The following LAMC2 variants were observed in gnomAD, a reference collection of about 807,000 sequenced individuals.
The protein encoded by LAMC2 is laminin subunit gamma 2.
In LAMC2, 97 loss-of-function variants were observed where a neutral mutation model predicts 140.2. The observed-to-expected ratio is 0.69, with a 90% confidence interval of 0.59 to 0.82. LAMC2 has a LOEUF of 0.82. LAMC2 is among the 40% of genes least tolerant of loss of function. The pLI, the probability that LAMC2 is intolerant of heterozygous loss-of-function variation, is 0.00. For missense variants in LAMC2, 1,402 were observed against 1,476.1 expected (o/e 0.95, Z 0.82); for synonymous variants, 513 against 540.2 (o/e 0.95, Z 0.70).
At chr1:183,211,998 G>A (rs1469580363) in intron 2 of LAMC2, among the ~76,000 whole-genome samples, 1 of 151,698 alleles carries the variant, frequency 6.6e-6, no homozygotes, top group African/African-American at 2.4e-5. Flanking sequence ...ATTGGGGCAG[G>A]TTGTTTTTTT....
At chr1:183,193,061 A>T (rs1239748652) in intron 1 of LAMC2, among the ~76,000 whole-genome samples, 2 of 152,248 alleles carry the variant, frequency 1.3e-5, no homozygotes, top group East Asian at 3.8e-4. Flanking sequence ...TACTGTTGAC[A>T]TACCACCTGT....
chr1:183,211,271 G>A (rs767744010), intron 2 of LAMC2, among the ~76,000 whole-genome samples: 6 of 152,108 alleles, frequency 3.9e-5, no homozygotes, highest in Non-Finnish European at 5.9e-5. Flanking sequence ...AATTCACTGC[G>A]TGTGCAAGTT....
At chr1:183,249,252 T>A (rs1571548273), downstream of LAMC2, 1 of 152,162 alleles carries the variant, frequency 6.6e-6, no homozygotes, top group Admixed American at 6.6e-5. Context: ...CTGCCTGGGG[T>A]TGGGGGTGTG....
chr1:183,220,669 G>C (rs922119816), intron 4 of LAMC2, among the ~76,000 whole-genome samples, 156 bp from the exon 5 acceptor site: 2 of 152,062 alleles, frequency 1.3e-5, no homozygotes, highest in East Asian at 3.9e-4. Context: ...TGGTGGTCTG[G>C]GGGTGGGGGT....
chr1:183,221,029 C>T, intron 5 of LAMC2, 68 bp downstream of exon 5: 3 of 1,397,434 alleles, frequency 2.1e-6, no homozygotes, highest in Non-Finnish European at 3.0e-6. Context: ...TAGAGACAAC[C>T]ACCTCCGCAT....
intron 15 of LAMC2, 51 bp from the exon 16 acceptor site, chr1:183,235,524 A>T (rs1407332409): frequency 6.2e-7 from 1 of 1,608,454 alleles, no homozygotes; most frequent in Admixed American, 1.7e-5. Context: ...AACAACCTAA[A>T]GGAAGCCCTT....
intron 19 of LAMC2, among the ~76,000 whole-genome samples, chr1:183,238,972 A>G (rs1660047771): frequency 6.6e-6 from 1 of 152,200 alleles, no homozygotes; most frequent in South Asian, 2.1e-4. Context: ...AACATTCCCA[A>G]AATTTTGGAA....
intron 1 of LAMC2, among the ~76,000 whole-genome samples, chr1:183,193,662 G>C (rs1658417885): frequency 6.6e-6 from 1 of 152,208 alleles, no homozygotes; most frequent in African/African-American, 2.4e-5. Context: ...ATCTGAAGCT[G>C]CTGCTCTTGC....
At chr1:183,242,916 G>A (rs1660165861) in intron 22 of LAMC2, among the ~76,000 whole-genome samples, 1 of 151,358 alleles carries the variant, frequency 6.6e-6, no homozygotes, top group African/African-American at 2.4e-5. Context: ...TGCTGAACTA[G>A]ATAGCTCAGA....
intron 14 of LAMC2, 50 bp downstream of exon 14, chr1:183,232,907 C>T: frequency 6.6e-7 from 1 of 1,517,856 alleles, no homozygotes; most frequent in Non-Finnish European, 9.1e-7. Flanking sequence ...TGTTGGGAGA[C>T]CTACTTGTAG....
intron 3 of LAMC2, among the ~76,000 whole-genome samples, chr1:183,217,616 T>C (rs1378600270): frequency 6.6e-6 from 1 of 152,222 alleles, no homozygotes; most frequent in Non-Finnish European, 1.5e-5. Flanking sequence ...AGCATCATGC[T>C]AAGTGAAAGA....
At chr1:183,212,033 G>A (rs909446613) in intron 2 of LAMC2, among the ~76,000 whole-genome samples, 3 of 151,984 alleles carry the variant, frequency 2.0e-5, no homozygotes, top group Non-Finnish European at 4.4e-5. Flanking sequence ...TGAAGAACCA[G>A]TGCTATTATT....
At chr1:183,250,786 C>G in the LAMC2 span, 3 of 152,634 alleles carry the variant, frequency 2.0e-5, no homozygotes, top group Admixed American at 2.0e-4. Flanking sequence ...GAATAACAGA[C>G]TTTCTGGATG....
intron 1 of LAMC2, among the ~76,000 whole-genome samples, chr1:183,203,848 C>T (rs1658800597): frequency 6.6e-6 from 1 of 151,992 alleles, no homozygotes; most frequent in South Asian, 2.1e-4. Context: ...GATGGCATTG[C>T]CCTTGGCTTT....
intron 8 of LAMC2, among the ~76,000 whole-genome samples, chr1:183,226,162 C>G: frequency 9.9e-6 from 1 of 100,634 alleles, no homozygotes; most frequent in Non-Finnish European, 1.9e-5. Context: ...TTTTGAATTT[C>G]ACATGTTGGG....
chr1:183,186,766 G>A (rs967445394), intron 1 of LAMC2, among the ~76,000 whole-genome samples: 6 of 152,094 alleles, frequency 3.9e-5, no homozygotes, highest in African/African-American at 7.2e-5. Flanking sequence ...TTTCCCCAGC[G>A]TGTGCTTTTA....
intron 18 of LAMC2, 89 bp downstream of exon 18, chr1:183,237,593 C>T: frequency 7.8e-7 from 1 of 1,277,066 alleles, no homozygotes; most frequent in Non-Finnish European, 1.1e-6. Flanking sequence ...ATCAAAAGCT[C>T]TCTGACCAGG....
intron 1 of LAMC2, among the ~76,000 whole-genome samples, chr1:183,206,167 T>C (rs1658877556): frequency 6.6e-6 from 1 of 152,204 alleles, no homozygotes; most frequent in African/African-American, 2.4e-5. Flanking sequence ...ATCTATTAAA[T>C]GGGGATAATA....
chr1:183,258,557 T>G, the LAMC2 span, among the ~76,000 whole-genome samples: 2 of 152,314 alleles, frequency 1.3e-5, no homozygotes, highest in Admixed American at 1.3e-4. Flanking sequence ...ACAACAGCCC[T>G]TTCCCAAAGC....
Sources: gnomAD v4.1 joint callset for allele counts (sites outside exome capture counted in the v4.1 genomes callset) on GRCh38, gnomAD v4.1.1 for gene constraint, MANE v1.5 for transcripts, NCBI Gene and HGNC (gene_info 2026-07-23, HGNC 2026-07-21) for gene names.